Variants in PCDHA13 observed in about 807,000 individuals in gnomAD.
PCDHA13 encodes protocadherin alpha 13.
Under a neutral mutation model 64.8 loss-of-function variants are expected in PCDHA13, and 54 were observed. The observed-to-expected ratio is 0.83, with a 90% CI of 0.67 to 1.04. The LOEUF (loss-of-function observed/expected upper bound fraction) is 1.04. Ranked by LOEUF, PCDHA13 falls within the 50% of genes least tolerant of loss-of-function variation. PCDHA13 has a pLI of 0.00. For missense variants in PCDHA13, 1,248 were observed against 1,254.3 expected (o/e 0.99, Z 0.08); for synonymous variants, 587 against 564.4 (o/e 1.04, Z -0.57).
chr5:140,970,096 T>C (rs2096383552), intron 1 of PCDHA13, among the ~76,000 whole-genome samples: 1 of 152,066 alleles, frequency 6.6e-6, no homozygotes, highest in South Asian at 2.1e-4. Flanking sequence ...GGGGGGATGG[T>C]GAAGACCAAG....
chr5:141,009,116 T>C (rs1382527068), intron 3 of PCDHA13, among the ~76,000 whole-genome samples: 1 of 152,236 alleles, frequency 6.6e-6, no homozygotes, highest in African/African-American at 2.4e-5. Flanking sequence ...TGAAACTAGA[T>C]TCTTGGTATC....
At chr5:140,983,138 G>C (rs1217034245) in intron 3 of PCDHA13, among the ~76,000 whole-genome samples, 1 of 152,170 alleles carries the variant, frequency 6.6e-6, no homozygotes, top group Non-Finnish European at 1.5e-5. Flanking sequence ...CTGACTTTTA[G>C]TGCCTTGGCA....
chr5:140,973,741 G>C (rs925905924), intron 1 of PCDHA13, among the ~76,000 whole-genome samples: 1 of 152,206 alleles, frequency 6.6e-6, no homozygotes, highest in Admixed American at 6.5e-5. Context: ...GTCTAACTCA[G>C]AACACTCTGC....
intron 3 of PCDHA13, among the ~76,000 whole-genome samples, chr5:140,995,684 A>T (rs2097694657): frequency 6.6e-6 from 1 of 152,144 alleles, no homozygotes; most frequent in Non-Finnish European, 1.5e-5. Flanking sequence ...ATTTTTTTTA[A>T]TTGTTAAATA....
At chr5:140,959,871 T>C (rs572861997) in intron 1 of PCDHA13, among the ~76,000 whole-genome samples, 1 of 152,322 alleles carries the variant, frequency 6.6e-6, no homozygotes, top group Admixed American at 6.5e-5. Flanking sequence ...GCAAAATCTG[T>C]CAAGGAATAC....
At chr5:140,944,865 T>G (rs1227128611) in intron 1 of PCDHA13, among the ~76,000 whole-genome samples, 3 of 152,166 alleles carry the variant, frequency 2.0e-5, no homozygotes, top group Non-Finnish European at 4.4e-5. Flanking sequence ...TTATTTATCT[T>G]AACCACCTAC....
At chr5:140,894,469 C>T (rs183471525) in intron 1 of PCDHA13, among the ~76,000 whole-genome samples, 8 of 151,852 alleles carry the variant, frequency 5.3e-5, no homozygotes, top group Admixed American at 5.2e-4. Context: ...ACTTTTTATT[C>T]TTGTTTTCAT....
At chr5:140,997,302 G>A (rs1430183310) in intron 3 of PCDHA13, among the ~76,000 whole-genome samples, 2 of 152,154 alleles carry the variant, frequency 1.3e-5, no homozygotes, top group Non-Finnish European at 2.9e-5. Flanking sequence ...GATACACTGA[G>A]AAATGTGTCT....
At chr5:140,928,271 C>G in intron 1 of PCDHA13, 2 of 1,614,186 alleles carry the variant, frequency 1.2e-6, no homozygotes, top group East Asian at 4.5e-5. Flanking sequence ...AACAATGGCC[C>G]TGGGGCCTCT....
intron 1 of PCDHA13, among the ~76,000 whole-genome samples, chr5:140,898,000 T>G (rs1420296585): frequency 6.6e-5 from 10 of 152,348 alleles, no homozygotes; most frequent in African/African-American, 2.4e-4. Flanking sequence ...TTGAGAAGTG[T>G]CTGTTCATAT....
chr5:140,927,697 C>T, intron 1 of PCDHA13: 2 of 1,614,170 alleles, frequency 1.2e-6, no homozygotes, highest in Non-Finnish European at 1.7e-6. Flanking sequence ...TGGGGAAGTC[C>T]AGTACTCCCT....
intron 1 of PCDHA13, chr5:140,926,768 C>T: frequency 2.2e-6 from 3 of 1,361,764 alleles, no homozygotes; most frequent in Non-Finnish European, 2.9e-6. Context: ...GTATCCAGCC[C>T]GCAGCAGTGA....
intron 1 of PCDHA13, among the ~76,000 whole-genome samples, chr5:140,917,749 C>G (rs2078340847): frequency 6.6e-6 from 1 of 152,144 alleles, no homozygotes; most frequent in African/African-American, 2.4e-5. Flanking sequence ...TCCCATTGGT[C>G]TATGTGTCTG....
intron 1 of PCDHA13, among the ~76,000 whole-genome samples, chr5:140,958,025 A>G (rs920360369): frequency 1.3e-5 from 2 of 152,150 alleles, no homozygotes; most frequent in Non-Finnish European, 2.9e-5. Flanking sequence ...CAAGTATACT[A>G]TGCTTTCTTT....
chr5:140,966,205 CT>C, intron 1 of PCDHA13: 1 of 226,680 alleles, frequency 4.4e-6, no homozygotes. Flanking sequence ...GGCTTGACTG[CT>C]TTTCCCAGAC....
intron 1 of PCDHA13, among the ~76,000 whole-genome samples, chr5:140,970,888 A>G (rs1452967166): frequency 6.6e-6 from 1 of 152,154 alleles, no homozygotes; most frequent in Non-Finnish European, 1.5e-5. Flanking sequence ...TTTCTCATGG[A>G]CATTTCAGAT....
chr5:140,984,178 A>C (rs2097090747), intron 3 of PCDHA13, among the ~76,000 whole-genome samples: 1 of 152,184 alleles, frequency 6.6e-6, no homozygotes, highest in South Asian at 2.1e-4. Context: ...AGCCACGTGA[A>C]ATCATGACTT....
chr5:140,896,980 C>A (rs2065827913), intron 1 of PCDHA13, among the ~76,000 whole-genome samples: 1 of 152,032 alleles, frequency 6.6e-6, no homozygotes, highest in South Asian at 2.1e-4. Context: ...ACAAACAAAC[C>A]AGTTATGCTC....
intron 1 of PCDHA13, among the ~76,000 whole-genome samples, chr5:140,917,333 G>C (rs1301739777): frequency 6.7e-5 from 10 of 148,748 alleles, no homozygotes; most frequent in East Asian, 2.0e-4. Flanking sequence ...GCGGGGGAGG[G>C]GGGGGATGGT....
Sources: gnomAD v4.1 joint callset for allele counts (sites outside exome capture counted in the v4.1 genomes callset) on GRCh38, gnomAD v4.1.1 for gene constraint, MANE v1.5 for transcripts, NCBI Gene and HGNC (gene_info 2026-07-23, HGNC 2026-07-21) for gene names.